Variants in HTR7 observed in about 807,000 individuals in gnomAD.
HTR7 encodes 5-hydroxytryptamine receptor 7, also known as 5-HT-7.
A neutral mutation model predicts 34.0 loss-of-function variants in HTR7; 16 were observed. The observed-to-expected ratio is 0.47, with a 90% CI of 0.32 to 0.71. HTR7 has a LOEUF of 0.71. Among genes scored for constraint, HTR7 ranks in the 30% least tolerant of loss-of-function variants. HTR7 has a pLI of 0.04. For missense variants in HTR7, 504 were observed against 625.5 expected (o/e 0.81, Z 2.07); for synonymous variants, 265 against 260.2 (o/e 1.02, Z -0.18).
chr10:90,742,352 C>G lies in HTR7; in HGVS notation c.*130G>C, dbSNP rs1589431390. 1 of 670,776 alleles carries G rather than the reference C, an allele frequency of 1.5e-6. No individual in the cohort carries two copies. The highest frequency in any genetic ancestry group is 2.6e-5 in the East Asian group (1 of 38,352). The allele number at this position is 670,776 out of a possible 1,614,324, so 41.6% of individuals were successfully genotyped here. A position where few individuals can be genotyped will look rare whatever the true frequency, so the allele number is the denominator to read the frequency against. On this transcript the variant is annotated 3_prime_UTR_variant, in exon 4 of 4. Coordinates refer to ENST00000336152, the MANE Select transcript of HTR7 (RefSeq NM_019859.4). ...TAAGATAGTGTGTACAACAGATCAC[C>G]CTGTTTGTCATGTTTTAGACATCCC...
At chr10:90,743,930 T>C in intron 2 of HTR7, 1 of 659,376 alleles carries the variant, frequency 1.5e-6, no homozygotes, top group Non-Finnish European at 2.9e-6. Flanking sequence ...CCTGATGAAC[T>C]CCTGAGGTTC....
intron 1 of HTR7, among the ~76,000 whole-genome samples, chr10:90,796,055 T>G (rs988591177): frequency 6.6e-6 from 1 of 152,184 alleles, no homozygotes; most frequent in Non-Finnish European, 1.5e-5. Flanking sequence ...TTATCTGTGT[T>G]GACGTTAATG....
intron 1 of HTR7, among the ~76,000 whole-genome samples, chr10:90,773,221 C>T (rs186977609): frequency 1.6e-4 from 24 of 152,284 alleles, no homozygotes; most frequent in African/African-American, 5.8e-4. Flanking sequence ...CTTGAAGCAA[C>T]CAGCTACACT....
At chr10:90,767,678 C>T (rs991949893) in intron 1 of HTR7, among the ~76,000 whole-genome samples, 6 of 152,180 alleles carry the variant, frequency 3.9e-5, no homozygotes, top group Non-Finnish European at 8.8e-5. Flanking sequence ...CAGCTTCCAC[C>T]TTTACTGCTT....
intron 1 of HTR7, among the ~76,000 whole-genome samples, chr10:90,787,530 C>G (rs1033341129): frequency 6.6e-6 from 1 of 152,002 alleles, no homozygotes; most frequent in Non-Finnish European, 1.5e-5. Context: ...AGACAAAGCT[C>G]ACTACCTTCA....
At chr10:90,800,004 T>C (rs536443922) in intron 1 of HTR7, among the ~76,000 whole-genome samples, 64 of 152,274 alleles carry the variant, frequency 4.2e-4, no homozygotes, top group African/African-American at 1.4e-3. Context: ...AATTAAAAAG[T>C]GGAGGTAAAC....
chr10:90,765,267 T>C (rs1845003349), intron 1 of HTR7, among the ~76,000 whole-genome samples: 1 of 152,158 alleles, frequency 6.6e-6, no homozygotes, highest in Non-Finnish European at 1.5e-5. Flanking sequence ...ATAGCTTGTA[T>C]GTTTCTAGCA....
intron 1 of HTR7, among the ~76,000 whole-genome samples, chr10:90,846,282 G>C (rs1303126186): frequency 6.6e-6 from 1 of 152,152 alleles, no homozygotes; most frequent in Non-Finnish European, 1.5e-5. Context: ...CCCATCACAT[G>C]AGGTCAGGTG....
chr10:90,856,878 C>T (rs1190905687), intron 1 of HTR7, among the ~76,000 whole-genome samples: 1 of 152,190 alleles, frequency 6.6e-6, no homozygotes, highest in East Asian at 1.9e-4. Context: ...GCTTAAAATA[C>T]TCTTAACTTT....
chr10:90,821,458 G>A (rs564150347), intron 1 of HTR7, among the ~76,000 whole-genome samples: 2 of 152,280 alleles, frequency 1.3e-5, no homozygotes, highest in South Asian at 4.1e-4. Context: ...TAGCCAAAGG[G>A]GAATTGTCCC....
In HTR7 at chr10:90,749,421, C is replaced by T; in HGVS notation, c.713G>A (p.Gly238Asp). ...DKVCLISQDFGYTIYSTAVAF... is the reference protein window; with the variant it reads ...DKVCLISQDFDYTIYSTAVAF... ...CACTGCGGTAGAGTAAATCGTATAG[C>T]CAAAGTCCTGGCTGATCAAGCACAC... Residue 238 changes from glycine to aspartate, a missense_variant, in exon 2 of 4, where the codon GGC (glycine) becomes GAC (aspartate). Transcript: ENST00000336152. This position sits in a 1 kb window ranked among gnomAD's most constrained non-coding sequence, Gnocchi z 4.2. The T allele has an allele frequency of 6.2e-7, 1 of 1,614,158 alleles. No homozygotes were observed. Among genetic ancestry groups the T allele is most frequent in the South Asian group, 1.1e-5 (1 of 91,082 alleles).
At chr10:90,801,123 G>C (rs1158941265) in intron 1 of HTR7, among the ~76,000 whole-genome samples, 1 of 152,156 alleles carries the variant, frequency 6.6e-6, no homozygotes, top group African/African-American at 2.4e-5. Context: ...AAGGGAGTTT[G>C]CTCACTTCCA....
intron 1 of HTR7, among the ~76,000 whole-genome samples, chr10:90,807,761 G>A (rs1044191077): frequency 6.6e-6 from 1 of 152,148 alleles, no homozygotes; most frequent in Non-Finnish European, 1.5e-5. Flanking sequence ...GACTCAGATC[G>A]GGGGACCTCC....
intron 1 of HTR7, among the ~76,000 whole-genome samples, chr10:90,765,553 G>C (rs1467170594): frequency 6.9e-6 from 1 of 145,426 alleles, no homozygotes; most frequent in Non-Finnish European, 1.5e-5. Flanking sequence ...TCTTTATTAT[G>C]TCCTTCCTCC....
chr10:90,809,322 A>G (rs991710681), intron 1 of HTR7, among the ~76,000 whole-genome samples: 4 of 152,186 alleles, frequency 2.6e-5, no homozygotes, highest in Non-Finnish European at 5.9e-5. Context: ...ATCCCAAATC[A>G]GATAGCGTTT....
chr10:90,807,549 G>A (rs1359548727), intron 1 of HTR7, among the ~76,000 whole-genome samples: 2 of 152,114 alleles, frequency 1.3e-5, no homozygotes, highest in Admixed American at 6.5e-5. Flanking sequence ...CCCTACGCCT[G>A]CTCGCCAGAG....
At chr10:90,832,091 C>CTCA (rs1846187982) in intron 1 of HTR7, among the ~76,000 whole-genome samples, 1 of 152,248 alleles carries the variant, frequency 6.6e-6, no homozygotes, top group South Asian at 2.1e-4. Context: ...CCCCATCAGA[C>CTCA]TCAGGAGCCC....
At chr10:90,821,134 G>GCACA (rs3035231) in intron 1 of HTR7, among the ~76,000 whole-genome samples, 28,908 of 150,236 alleles carry the variant, frequency 0.19, 2,706 homozygotes, top group East Asian at 0.2. Flanking sequence ...ACACACACAT[G>GCACA]CACACACACA....
chr10:90,753,190 G>T (rs1844769947), intron 1 of HTR7, among the ~76,000 whole-genome samples: 1 of 151,832 alleles, frequency 6.6e-6, no homozygotes, highest in African/African-American at 2.4e-5. Flanking sequence ...AAAACAAAAA[G>T]CCAACCATCC....
Sources: gnomAD v4.1 joint callset for allele counts (sites outside exome capture counted in the v4.1 genomes callset) on GRCh38, gnomAD v4.1.1 for gene constraint, Gnocchi (gnomAD v3.1) non-coding constraint, MANE v1.5 for transcripts, NCBI Gene and HGNC (gene_info 2026-07-23, HGNC 2026-07-21) for gene names.